TMOD2: variants seen among roughly 807,000 people sequenced by gnomAD.
The protein encoded by TMOD2 is tropomodulin-2.
A neutral mutation model predicts 39.9 loss-of-function variants in TMOD2; 22 were observed. That is an observed-to-expected ratio of 0.55 (90% CI 0.39 to 0.79). TMOD2 has a LOEUF of 0.79. Ranked by LOEUF, TMOD2 falls within the 30% of genes least tolerant of loss-of-function variation. TMOD2 has a pLI of 0.00. For synonymous variants in TMOD2, 123 were observed against 146.1 expected, an observed-to-expected ratio of 0.84 and a Z score of 1.14; for missense variants, 386 against 413.3, an observed-to-expected ratio of 0.93 and a Z score of 0.57.
chr15:51,756,738 T>G (rs1156941517), intron 1 of TMOD2, among the ~76,000 whole-genome samples: 1 of 152,222 alleles, frequency 6.6e-6, no homozygotes, highest in Non-Finnish European at 1.5e-5. Flanking sequence ...TCTTTCCTCT[T>G]TCAGCTTGTT....
chr15:51,781,304 C>A (rs2055928149), intron 6 of TMOD2, 130 bp downstream of exon 6: 2 of 779,774 alleles, frequency 2.6e-6, no homozygotes, highest in African/African-American at 1.8e-5. Context: ...GTCAAGGTAT[C>A]CTATTCAAAA....
In TMOD2 at chr15:51,766,379, G is replaced by T; in HGVS notation, c.-63G>T. ...GTTTCTTTTTTATTAACAGTATTCT[G>T]AAGTCTCAGGAAACTGGACCATTTA... On this transcript the variant is annotated 5_prime_UTR_variant, in exon 2 of 10. The change abolishes the stop of an existing upstream ORF in the 5' untranslated region. Transcript: ENST00000249700. The T allele has an allele frequency of 6.7e-7, 1 of 1,489,870 alleles. No individual in the cohort carries two copies. The allele number at this position is 1,489,870 out of a possible 1,614,324, so 92.3% of individuals were successfully genotyped here.
intron 7 of TMOD2, chr15:51,784,482 T>C (rs1357283506): frequency 6.6e-6 from 1 of 152,242 alleles, no homozygotes; most frequent in Non-Finnish European, 1.5e-5. Flanking sequence ...AAATGAATGA[T>C]CATAACCTCC....
At chr15:51,769,088 G>A (rs1425668689) in intron 3 of TMOD2, among the ~76,000 whole-genome samples, 1 of 152,226 alleles carries the variant, frequency 6.6e-6, no homozygotes, top group South Asian at 2.1e-4. Flanking sequence ...AGGGGAGGAT[G>A]AGTTGGGGAG....
At chr15:51,765,020 T>C (rs1175088025) in intron 1 of TMOD2, among the ~76,000 whole-genome samples, 1 of 152,070 alleles carries the variant, frequency 6.6e-6, no homozygotes, top group East Asian at 1.9e-4. Flanking sequence ...TAATTTTTTT[T>C]TTGAGAGAGT....
In TMOD2 at chr15:51,796,974, C is replaced by G. The variant is rs570386926; in HGVS notation, c.733-1223C>G. Among the ~76,000 whole-genome samples, 5 of 152,250 alleles carry G rather than the reference C, an allele frequency of 3.3e-5. No homozygotes were observed. In the South Asian group the frequency reaches 6.2e-4, roughly 19 times the overall value. ...CATTGGTTCATAGGCAGGGACAGCA[C>G]GGAGATGCTGGACAAACAGATGATT... is the stretch of plus-strand genomic sequence containing the variant. On this transcript the variant is annotated intron_variant, in intron 7 of 9. Transcript: ENST00000249700.
intron 8 of TMOD2, among the ~76,000 whole-genome samples, chr15:51,800,038 G>A (rs1381260859): frequency 6.6e-6 from 1 of 152,158 alleles, no homozygotes; most frequent in Non-Finnish European, 1.5e-5. Flanking sequence ...GATAAATGAT[G>A]TATAAATTTT....
chr15:51,787,865 A>C (rs2055981690), intron 7 of TMOD2, among the ~76,000 whole-genome samples: 1 of 152,356 alleles, frequency 6.6e-6, no homozygotes, highest in East Asian at 1.9e-4. Flanking sequence ...CCAACATCAA[A>C]GACCAAAGGT....
intron 2 of TMOD2, among the ~76,000 whole-genome samples, chr15:51,767,875 G>A (rs927784296): frequency 3.9e-5 from 6 of 152,234 alleles, no homozygotes; most frequent in Non-Finnish European, 7.3e-5. Context: ...TTCTGCAGGA[G>A]AGGGGTTCCC....
In TMOD2 at chr15:51,757,418, A is replaced by T. The variant is rs1237264414; in HGVS notation, c.-70+5706A>T. Among the ~76,000 whole-genome samples, 6 of 151,970 alleles carry T rather than the reference A, an allele frequency of 3.9e-5. No individual in the cohort carries two copies. The East Asian group carries it at 1.2e-3, about 29-fold the overall frequency. ...CTCCGTCTCAAAAAAAAAAAAAAAAAAAAAAAGCCATACTCCTTATTTTCC... is the reference window on the plus strand; with the variant it reads ...CTCCGTCTCAAAAAAAAAAAAAAAATAAAAAAGCCATACTCCTTATTTTCC... On this transcript the variant is annotated intron_variant, in intron 1 of 9. Coordinates refer to ENST00000249700, the MANE Select transcript of TMOD2 (RefSeq NM_014548.4).
intron 3 of TMOD2, among the ~76,000 whole-genome samples, chr15:51,770,598 G>C (rs759788435): frequency 7.9e-5 from 12 of 152,100 alleles, no homozygotes; most frequent in Non-Finnish European, 1.6e-4. Context: ...GCTGCCCTCT[G>C]TATTGTGCAC....
chr15:51,803,304 C>A (rs1368406834), intron 8 of TMOD2, among the ~76,000 whole-genome samples: 2 of 151,818 alleles, frequency 1.3e-5, no homozygotes, highest in Non-Finnish European at 2.9e-5. Context: ...CCTCAGCCTC[C>A]TGAGCAGCTG....
intron 4 of TMOD2, among the ~76,000 whole-genome samples, chr15:51,774,489 A>C (rs780474599): frequency 2.6e-5 from 4 of 152,202 alleles, no homozygotes; most frequent in Non-Finnish European, 4.4e-5. Context: ...CACAGGATAG[A>C]GGTGCTTTAA....
chr15:51,781,823 A>AGAGAGT lies in TMOD2; in HGVS notation c.624+650_624+651insAGAGTG, dbSNP rs368954467. Among the ~76,000 whole-genome samples the AGAGAGT allele has an allele frequency of 3.1e-3, 457 of 149,498 alleles. 10 individuals are homozygous for AGAGAGT. The highest frequency in any genetic ancestry group is 0.016 in the East Asian group (81 of 5,080). ...GAGTAGGAGAGAGAGAGAGAGAGAG[A>AGAGAGT]GTGTGTGTGTGTGTGTGTGTAAACA... is the stretch of plus-strand genomic sequence containing the variant. On this transcript the variant is annotated intron_variant, in intron 6 of 9. Coordinates refer to ENST00000249700, the MANE Select transcript of TMOD2 (RefSeq NM_014548.4).
intron 1 of TMOD2, among the ~76,000 whole-genome samples, chr15:51,755,517 A>C (rs2055735890): frequency 6.6e-6 from 1 of 152,182 alleles, no homozygotes; most frequent in Admixed American, 6.5e-5. Flanking sequence ...AAGGCCAGCC[A>C]TGCCAAGCCT....
rs1298291706 is a variant in TMOD2, at chr15:51,810,030, A to G, written c.*1576A>G. 6.6e-6 allele frequency: 1 copy of G among 152,130 alleles called. No individual in the cohort carries two copies. Among genetic ancestry groups the G allele is most frequent in the African/African-American group, 2.4e-5 (1 of 41,424 alleles). 9.4% of individuals were successfully genotyped at this position (152,130 alleles called of 1,614,324 possible). A position where few individuals can be genotyped will look rare whatever the true frequency, so the allele number is the denominator to read the frequency against. On this transcript the variant is annotated 3_prime_UTR_variant, in exon 10 of 10. Coordinates refer to ENST00000249700, the MANE Select transcript of TMOD2 (RefSeq NM_014548.4). ...TATCTTGAAATTTTTTTAATGTTTG[A>G]GAACACCATAAGCAGAATATTCTAA...
In TMOD2 at chr15:51,815,657, T is replaced by C. The variant is rs998074101; in HGVS notation, c.*7203T>C. On this transcript the variant is annotated 3_prime_UTR_variant, in exon 10 of 10. Coordinates refer to ENST00000249700, the MANE Select transcript of TMOD2 (RefSeq NM_014548.4). ...AAGTTATTCTGACCTAAAATTCTTA[T>C]CTCTGCCACTTTGGTTTAAAAACAA... The C allele has an allele frequency of 6.6e-6, 1 of 152,344 alleles. No homozygotes were observed. Among genetic ancestry groups the C allele is most frequent in the African/African-American group, 2.4e-5 (1 of 41,592 alleles). 9.4% of individuals were successfully genotyped at this position (152,344 alleles called of 1,614,324 possible).
intron 7 of TMOD2, among the ~76,000 whole-genome samples, chr15:51,796,926 TG>T (rs2056055131): frequency 6.6e-6 from 1 of 152,126 alleles, no homozygotes; most frequent in Admixed American, 6.5e-5. Context: ...TGTCAATGGT[TG>T]GATGTCAAAA....
At chr15:51,764,637 C>A (rs2055804396) in intron 1 of TMOD2, among the ~76,000 whole-genome samples, 1 of 152,154 alleles carries the variant, frequency 6.6e-6, no homozygotes, top group Admixed American at 6.5e-5. Flanking sequence ...GAAGGAAGGC[C>A]CTTCACAGAT....
Sources: gnomAD v4.1 joint callset for allele counts (sites outside exome capture counted in the v4.1 genomes callset) on GRCh38, gnomAD v4.1.1 for gene constraint, MANE v1.5 for transcripts, NCBI Gene and HGNC (gene_info 2026-07-23, HGNC 2026-07-21) for gene names.